Variants in ELP1 observed in about 807,000 individuals in gnomAD.
The protein encoded by ELP1 is elongator acetyltransferase complex subunit 1.
ELP1 carries 131 observed loss-of-function variants against 183.2 expected under a neutral mutation model. That is an observed-to-expected ratio of 0.72 (90% confidence interval 0.62 to 0.83). The LOEUF (loss-of-function observed/expected upper bound fraction) is 0.83, where lower values mean the gene tolerates loss of function less well. ELP1 is among the 40% of genes least tolerant of loss of function. The pLI, the probability that ELP1 is intolerant of heterozygous loss-of-function variation, is 0.00. For missense variants in ELP1, 1,550 were observed against 1,594.9 expected (o/e 0.97, Z 0.48); for synonymous variants, 555 against 569.0 (o/e 0.98, Z 0.35).
intron 35 of ELP1, chr9:108,875,819 G>C (rs1162830600): frequency 3.1e-6 from 1 of 318,948 alleles, no homozygotes; most frequent in Non-Finnish European, 6.2e-6. Context: ...TGGGAGGACT[G>C]CTTTAGCCCA....
chr9:108,913,688 C>A (rs1285914557), intron 10 of ELP1, among the ~76,000 whole-genome samples: 1 of 152,046 alleles, frequency 6.6e-6, no homozygotes, highest in Non-Finnish European at 1.5e-5. Flanking sequence ...CACTCTGTCA[C>A]CCATGCTGGA....
chr9:108,927,888 G>C (rs1829869611), intron 3 of ELP1, among the ~76,000 whole-genome samples: 2 of 152,166 alleles, frequency 1.3e-5, no homozygotes, highest in Non-Finnish European at 1.5e-5. Context: ...CCAGAGGCTG[G>C]GAAGGGTAGT....
chr9:108,917,886 C>T (rs914369201), intron 8 of ELP1, among the ~76,000 whole-genome samples: 8 of 152,042 alleles, frequency 5.3e-5, no homozygotes, highest in Admixed American at 2.0e-4. Context: ...GGAAAGAGTG[C>T]CTTTTCCTGT....
chr9:108,891,971 G>A (rs556155114), intron 27 of ELP1, among the ~76,000 whole-genome samples: 6 of 152,196 alleles, frequency 3.9e-5, no homozygotes, highest in African/African-American at 1.4e-4. Flanking sequence ...AGAGCAGAGA[G>A]AGTGTGGAAG....
intron 13 of ELP1, 71 bp from the exon 14 acceptor site, chr9:108,906,556 A>C: frequency 2.3e-6 from 3 of 1,320,442 alleles, no homozygotes; most frequent in Non-Finnish European, 3.3e-6. Context: ...TCCTGGATGA[A>C]GGAAGACTGA....
intron 26 of ELP1, 121 bp downstream of exon 26, chr9:108,893,822 T>TA (rs1828434395): frequency 8.5e-6 from 9 of 1,064,376 alleles, no homozygotes; most frequent in Admixed American, 1.9e-5. Flanking sequence ...ACATAATTGT[T>TA]AGAGTTTTCA....
chr9:108,910,850 A>C (rs1336229181), intron 12 of ELP1, among the ~76,000 whole-genome samples, 160 bp downstream of exon 12: 1 of 151,838 alleles, frequency 6.6e-6, no homozygotes, highest in Non-Finnish European at 1.5e-5. Context: ...AAAAACAAAA[A>C]CCCAAGGCAA....
intron 33 of ELP1, among the ~76,000 whole-genome samples, chr9:108,878,960 T>A (rs1827808653): frequency 6.6e-6 from 1 of 152,204 alleles, no homozygotes; most frequent in Non-Finnish European, 1.5e-5. Context: ...CTCTTATAAC[T>A]CATATCTCCT....
intron 36 of ELP1, among the ~76,000 whole-genome samples, chr9:108,872,778 C>G (rs1245935587): frequency 8.0e-6 from 1 of 124,382 alleles, no homozygotes; most frequent in Non-Finnish European, 1.6e-5. Flanking sequence ...GCACTCCCGC[C>G]TGGGCCACAG....
intron 20 of ELP1, among the ~76,000 whole-genome samples, chr9:108,899,299 CA>C (rs986833459): frequency 6.9e-5 from 9 of 130,084 alleles, no homozygotes; most frequent in Non-Finnish European, 1.3e-4. Context: ...GACTCTGTCT[CA>C]AAAAAAAAAC....
chr9:108,875,356 T>C (rs1827670611), intron 35 of ELP1, among the ~76,000 whole-genome samples: 1 of 152,180 alleles, frequency 6.6e-6, no homozygotes, highest in Non-Finnish European at 1.5e-5. Context: ...ATTTTTAGGT[T>C]GAAATAAATA....
At chr9:108,904,540 C>T (rs1010621477) in intron 14 of ELP1, among the ~76,000 whole-genome samples, 3 of 152,148 alleles carry the variant, frequency 2.0e-5, no homozygotes, top group African/African-American at 7.2e-5. Flanking sequence ...AACATTATAA[C>T]AATAGGGAAT....
intron 35 of ELP1, among the ~76,000 whole-genome samples, chr9:108,876,731 CTTTTT>C (rs35897844): frequency 7.2e-6 from 1 of 138,414 alleles, no homozygotes. Flanking sequence ...GATTGGCTGG[CTTTTT>C]TTTTTTTTTT....
intron 10 of ELP1, among the ~76,000 whole-genome samples, chr9:108,915,107 C>A (rs1232936780): frequency 6.6e-6 from 1 of 152,202 alleles, no homozygotes; most frequent in Non-Finnish European, 1.5e-5. Flanking sequence ...AAACCACACA[C>A]TTATACATTT....
intron 13 of ELP1, among the ~76,000 whole-genome samples, chr9:108,907,587 G>A (rs1172380267): frequency 6.6e-6 from 1 of 152,132 alleles, no homozygotes; most frequent in African/African-American, 2.4e-5. Context: ...CCTGGAGGCA[G>A]AGTAGTTTAG....
intron 29 of ELP1, among the ~76,000 whole-genome samples, chr9:108,883,703 C>A (rs115525860): frequency 6.6e-6 from 1 of 151,840 alleles, no homozygotes; most frequent in Non-Finnish European, 1.5e-5. Context: ...AAGTAGTATA[C>A]GATTATCTGA....
Position 108,927,444 on chromosome 9 carries a change from C to A in ELP1, c.313G>T (p.Val105Phe), listed in dbSNP as rs764767995. 6.2e-7 allele frequency: 1 copy of A among 1,613,410 alleles called. No homozygotes were observed. The highest frequency in any genetic ancestry group is 8.5e-7 in the Non-Finnish European group (1 of 1,179,412). The change falls in exon 4 of 37, where the codon GTT (valine) becomes TTT (phenylalanine). Residue 105 changes from valine (V) to phenylalanine (F), a missense_variant. Coordinates refer to ENST00000374647, the MANE Select transcript of ELP1 (RefSeq NM_003640.5). Reference sequence around the variant, plus strand: ...GAGATACCACTGGCTACACTCCCAACACACTCCAGCTGAGACAGAGAAAAT... The same window carrying A: ...GAGATACCACTGGCTACACTCCCAAAACACTCCAGCTGAGACAGAGAAAAT... Reference protein sequence around the residue: ...CSLSTQQLECVGSVASGISVM... With the variant: ...CSLSTQQLECFGSVASGISVM...
chr9:108,901,674 A>G lies in ELP1; in HGVS notation c.1862T>C (p.Val621Ala), dbSNP rs762016978. 6.2e-7 allele frequency: 1 copy of G among 1,614,156 alleles called. No homozygotes were observed. The highest frequency in any genetic ancestry group is 8.5e-7 in the Non-Finnish European group (1 of 1,179,954). ...ELAMIGEEEC[V>A]LGLTDRCRFF... is the part of the protein sequence containing the mutation. Reference sequence around the variant, plus strand: ...GCGACACCTGTCAGTCAGACCAAGGACACATTCCTGCAAAGAAATAAAACT... The same window carrying G: ...GCGACACCTGTCAGTCAGACCAAGGGCACATTCCTGCAAAGAAATAAAACT... Residue 621 changes from valine to alanine, a missense_variant, in exon 17 of 37, where the codon GTC becomes GCC. Coordinates refer to ENST00000374647, the MANE Select transcript of ELP1 (RefSeq NM_003640.5).
At chr9:108,919,119 C>G (rs1829552187) in intron 7 of ELP1, 134 bp downstream of exon 7, 1 of 766,112 alleles carries the variant, frequency 1.3e-6, no homozygotes, top group African/African-American at 1.7e-5. Context: ...AACCTCATTT[C>G]ACATTTAAAG....
Sources: gnomAD v4.1 joint callset for allele counts (sites outside exome capture counted in the v4.1 genomes callset) on GRCh38, gnomAD v4.1.1 for gene constraint, MANE v1.5 for transcripts, NCBI Gene and HGNC (gene_info 2026-07-23, HGNC 2026-07-21) for gene names.